The following NAGLU variants were observed in gnomAD, a reference collection of about 807,000 sequenced individuals.
NAGLU encodes the protein N-acetyl-alpha-glucosaminidase, also known as alpha-N-acetylglucosaminidase.
In NAGLU, 34 loss-of-function variants were observed where a neutral mutation model predicts 43.4. The observed-to-expected ratio is 0.78, with a 90% CI of 0.60 to 1.04. NAGLU has a LOEUF of 1.04. Among genes scored for constraint, NAGLU ranks in the 50% least tolerant of loss-of-function variants. The probability of loss-of-function intolerance (pLI) is 0.00; values close to 1 mark genes in which losing one functional copy is unlikely to be tolerated. For synonymous variants in NAGLU, 425 were observed against 437.6 expected, an observed-to-expected ratio of 0.97 and a Z score of 0.36; for missense variants, 910 against 993.7, an observed-to-expected ratio of 0.92 and a Z score of 1.13.
rs973885994 is a variant in NAGLU, at chr17:42,536,444, G to A, written c.172G>A (p.Ala58Thr). 6 of 1,257,628 alleles carry A rather than the reference G, an allele frequency of 4.8e-6. No individual in the cohort carries two copies. In the African/African-American group the frequency reaches 7.9e-5, roughly 16 times the overall value. 77.9% of individuals were successfully genotyped at this position (1,257,628 alleles called of 1,614,324 possible). A position where few individuals can be genotyped will look rare whatever the true frequency, so the allele number is the denominator to read the frequency against. The change falls in exon 1 of 6, where the codon GCC becomes ACC. Residue 58 changes from alanine (A) to threonine (T), a missense_variant. By Grantham distance (58) the Ala-to-Thr change is moderately conservative. Coordinates refer to ENST00000225927, the MANE Select transcript of NAGLU (RefSeq NM_000263.4). Reference protein sequence around the residue: ...FSVSVERALAAKPGLDTYSLG... With the variant: ...FSVSVERALATKPGLDTYSLG... Reference sequence around the variant, plus strand: ...CGTGTCGGTGGAGCGCGCTCTGGCTGCCAAGCCGGGCTTGGACACCTACAG... The same window carrying A: ...CGTGTCGGTGGAGCGCGCTCTGGCTACCAAGCCGGGCTTGGACACCTACAG...
intron 1 of NAGLU, 102 bp from the exon 2 acceptor site, chr17:42,537,296 T>C: frequency 6.4e-7 from 1 of 1,573,996 alleles, no homozygotes; most frequent in South Asian, 1.1e-5. Context: ...GGGCCGAGTT[T>C]GGAGCCCCTC....
chr17:42,543,337 C>G lies in NAGLU; in HGVS notation c.1331C>G (p.Ala444Gly). 1.2e-6 allele frequency: 2 copies of G among 1,613,168 alleles called. No individual in the cohort carries two copies. Among genetic ancestry groups the G allele is most frequent in the Non-Finnish European group, 1.7e-6 (2 of 1,179,978 alleles). ...PNSTMVGTGM[A>G]PEGISQNEVV... The stretch of plus-strand genomic sequence containing the variant: ...TCCACCATGGTAGGCACGGGCATGG[C>G]CCCCGAGGGCATCAGCCAGAACGAA... The change falls in exon 6 of 6, where the codon GCC becomes GGC. Residue 444 changes from alanine to glycine, a missense_variant. Transcript: ENST00000225927.
chr17:42,541,119 G>A lies in NAGLU; in HGVS notation c.934G>A (p.Asp312Asn), dbSNP rs1052471595. 3.7e-5 allele frequency: 60 copies of A among 1,613,902 alleles called. No individual in the cohort carries two copies. The highest frequency in any genetic ancestry group is 4.9e-5 in the Non-Finnish European group (58 of 1,180,030). Reference sequence around the variant, plus strand: ...TGGCACAGACCACATCTATGGGGCCGACACTTTCAATGAGATGCAGCCACC... The same window carrying A: ...TGGCACAGACCACATCTATGGGGCCAACACTTTCAATGAGATGCAGCCACC... ...EFGTDHIYGA[D>N]TFNEMQPPSS... Residue 312 changes from aspartate (D) to asparagine (N), a missense_variant, in exon 5 of 6, where the codon GAC (aspartate) becomes AAC (asparagine). Coordinates refer to ENST00000225927, the MANE Select transcript of NAGLU (RefSeq NM_000263.4).
chr17:42,536,557 C>A lies in NAGLU; in HGVS notation c.285C>A (p.Asp95Glu), dbSNP rs1032487868. ...AAAGLHRYLR[D>E]FCGCHVAWSG... The stretch of plus-strand genomic sequence containing the variant: ...CGGGGCTGCACCGCTACCTGCGCGA[C>A]TTCTGTGGCTGCCACGTGGCCTGGT... Residue 95 changes from aspartate (D) to glutamate (E), a missense_variant, in exon 1 of 6, where the codon GAC becomes GAA. Transcript: ENST00000225927. 1 of 1,477,064 alleles carries A rather than the reference C, an allele frequency of 6.8e-7. No individual in the cohort carries two copies. The highest frequency in any genetic ancestry group is 8.9e-7 in the Non-Finnish European group (1 of 1,120,786). 91.5% of individuals were successfully genotyped at this position (1,477,064 alleles called of 1,614,324 possible). A position where few individuals can be genotyped will look rare whatever the true frequency, so the allele number is the denominator to read the frequency against.
intron 2 of NAGLU, among the ~76,000 whole-genome samples, chr17:42,538,083 C>A (rs910929339): frequency 3.2e-4 from 48 of 152,118 alleles, no homozygotes; most frequent in Admixed American, 6.5e-5. Flanking sequence ...CTCCATGAAG[C>A]CTTCTAAGGC....
rs1180591588 is a variant in NAGLU at position 42,543,067 on chromosome 17, TC to T, written c.1063del (p.Gln355SerfsTer66). ...GTGTGGCTGCTCCAAGGCTGGCTCT[TC>T]CAGCACCAGCCGCAGTTCTGGGGGC... ...EAVWLLQGWL[F>X]QHQPQFWGPA... On this transcript the variant is annotated frameshift_variant, in exon 6 of 6. Coordinates refer to ENST00000225927, the MANE Select transcript of NAGLU (RefSeq NM_000263.4). LOFTEE classifies it high-confidence loss of function. The T allele has an allele frequency of 1.2e-6, 2 of 1,608,178 alleles. No individual in the cohort carries two copies. Among genetic ancestry groups the T allele is most frequent in the Non-Finnish European group, 8.5e-7 (1 of 1,180,018 alleles).
rs1049139446 is a variant in NAGLU at position 42,543,311 on chromosome 17, C to G, written c.1305C>G (p.Asn435Lys). ...CAGAAGCTGCCCGCCTCTTCCCCAA[C>G]TCCACCATGGTAGGCACGGGCATGG... ...GGPEAARLFP[N>K]STMVGTGMAP... Residue 435 changes from asparagine to lysine, a missense_variant, in exon 6 of 6, where the codon AAC becomes AAG. Asn to Lys is a moderately conservative substitution (Grantham distance 94, BLOSUM62 0). Transcript: ENST00000225927. 2 of 1,613,640 alleles carry G rather than the reference C, an allele frequency of 1.2e-6. No homozygotes were observed. Among genetic ancestry groups the G allele is most frequent in the Non-Finnish European group, 1.7e-6 (2 of 1,180,042 alleles).
At chr17:42,537,092 C>T (rs144043324) in intron 1 of NAGLU, 11 of 468,470 alleles carry the variant, frequency 2.3e-5, no homozygotes, top group African/African-American at 1.8e-4. Context: ...ACTGTGGGGG[C>T]AGGGATTCCC....
intron 5 of NAGLU, among the ~76,000 whole-genome samples, chr17:42,542,083 G>T (rs1180650637): frequency 6.6e-6 from 1 of 151,776 alleles, no homozygotes; most frequent in Non-Finnish European, 1.5e-5. Context: ...TTTGTTTTGA[G>T]ATAGAGTCTC....
chr17:42,537,273 G>C (rs2092908905), intron 1 of NAGLU, 125 bp from the exon 2 acceptor site: 1 of 1,445,260 alleles, frequency 6.9e-7, no homozygotes, highest in East Asian at 2.3e-5. Flanking sequence ...GTGGGTCCCA[G>C]TGTGCAGCAG....
intron 2 of NAGLU, 73 bp downstream of exon 2, chr17:42,537,618 A>G: frequency 1.3e-6 from 2 of 1,569,720 alleles, no homozygotes; most frequent in Non-Finnish European, 1.7e-6. Flanking sequence ...CCCGCCCCCC[A>G]GCATGGGCGC....
In NAGLU at chr17:42,539,103, C is replaced by T. The variant is rs550381529; in HGVS notation, c.764+348C>T. On this transcript the variant is annotated intron_variant, in intron 4 of 5. Coordinates refer to ENST00000225927, the MANE Select transcript of NAGLU (RefSeq NM_000263.4). ...CGCCATTGCACTCCAGCCTGGGTGACGAGCGAAACTCTGTCTCAAACAAAC... is the reference window on the plus strand; with the variant it reads ...CGCCATTGCACTCCAGCCTGGGTGATGAGCGAAACTCTGTCTCAAACAAAC... Among the ~76,000 whole-genome samples, 160 of 152,278 alleles carry T rather than the reference C, an allele frequency of 1.1e-3. 1 individual carries two copies. Among genetic ancestry groups the T allele is most frequent in the African/African-American group, 9.1e-4 (38 of 41,556 alleles).
chr17:42,540,285 T>C (rs1251303197), intron 4 of NAGLU, among the ~76,000 whole-genome samples: 2 of 150,988 alleles, frequency 1.3e-5, no homozygotes, highest in Non-Finnish European at 2.9e-5. Context: ...ACTTAATGCA[T>C]GCGGGGCTGA....
Position 42,538,455 on chromosome 17 carries a change from C to G in NAGLU, c.648C>G (p.Pro216=), listed in dbSNP as rs755855749. ...ACACCTGGGATGGCCCCCTGCCCCC[C>G]TCCTGGCACATCAAGCAGCTTTACC... ...NLHTWDGPLP[P]SWHIKQLYLQ... is the part of the protein sequence containing the mutation. Residue 216 remains proline (P), a synonymous_variant, in exon 3 of 6, where the codon CCC becomes CCG. Coordinates refer to ENST00000225927, the MANE Select transcript of NAGLU (RefSeq NM_000263.4). 13 of 1,614,016 alleles carry G rather than the reference C, an allele frequency of 8.1e-6. No individual in the cohort carries two copies. The Admixed American group carries it at 8.3e-5, about 10-fold the overall frequency.
rs1422787660 is a variant in NAGLU at position 42,538,387 on chromosome 17, A to C, written c.580A>C (p.Thr194Pro). Residue 194 changes from threonine (T) to proline (P), a missense_variant, in exon 3 of 6, where the codon ACT (threonine) becomes CCT (proline). By Grantham distance (38) the Thr-to-Pro change is conservative (BLOSUM62 -1). Coordinates refer to ENST00000225927, the MANE Select transcript of NAGLU (RefSeq NM_000263.4). The part of the protein sequence containing the change: ...LTQAEINEFF[T>P]GPAFLAWGRM... ...CCAGGCAGAGATCAATGAGTTCTTTACTGGTCCTGCCTTCCTGGCCTGGGG... is the reference window on the plus strand; with the variant it reads ...CCAGGCAGAGATCAATGAGTTCTTTCCTGGTCCTGCCTTCCTGGCCTGGGG... The C allele has an allele frequency of 1.9e-6, 3 of 1,614,070 alleles. No homozygotes were observed. In the African/African-American group the frequency reaches 4.0e-5, roughly 22 times the overall value.
At chr17:42,542,890 C>A in intron 5 of NAGLU, 138 bp from the exon 6 acceptor site, 1 of 1,348,740 alleles carries the variant, frequency 7.4e-7, no homozygotes, top group Non-Finnish European at 1.0e-6. Flanking sequence ...CGCGTATGTG[C>A]CACAGAGCGT....
intron 2 of NAGLU, 130 bp from the exon 3 acceptor site, chr17:42,538,209 G>A: frequency 1.4e-6 from 2 of 1,401,062 alleles, no homozygotes; most frequent in Admixed American, 3.4e-5. Context: ...GCTCCTTGAT[G>A]GCAGCGTTCG....
Position 42,537,422 on chromosome 17 carries a change from C to A in NAGLU, c.408C>A (p.Cys136Ter). 1 of 1,614,176 alleles carries A rather than the reference C, an allele frequency of 6.2e-7. No homozygotes were observed. Among genetic ancestry groups the A allele is most frequent in the East Asian group, 2.2e-5 (1 of 44,884 alleles). The part of the protein sequence containing the change: ...PNRYRYYQNV[C>*]TQSYSFVWWD... ...GGTACCGCTATTACCAGAATGTGTG[C>A]ACGCAAAGCTACTCTTTCGTGTGGT... is the stretch of plus-strand genomic sequence containing the variant. The change falls in exon 2 of 6, where the codon TGC becomes TGA. Residue 136 changes from cysteine to a stop codon, truncating the protein, a stop_gained. Coordinates refer to ENST00000225927, the MANE Select transcript of NAGLU (RefSeq NM_000263.4). LOFTEE classifies it high-confidence loss of function.
At position 42,536,467 on chromosome 17, in the gene NAGLU, C is replaced by A; in HGVS notation, c.195C>A (p.Tyr65Ter). ...ALAAKPGLDT[Y>*]SLGGGGAARV... is the part of the protein sequence containing the mutation. ...CTGCCAAGCCGGGCTTGGACACCTA[C>A]AGCCTGGGCGGCGGCGGCGCGGCGC... The change falls in exon 1 of 6, where the codon TAC (tyrosine) becomes TAA (stop). Residue 65 changes from tyrosine to a stop codon, truncating the protein, a stop_gained. Transcript: ENST00000225927. LOFTEE classifies it high-confidence loss of function. 1.6e-6 allele frequency: 2 copies of A among 1,227,610 alleles called. No individual in the cohort carries two copies. The highest frequency in any genetic ancestry group is 8.0e-5 in the Admixed American group (2 of 25,088). 76.0% of individuals were successfully genotyped at this position (1,227,610 alleles called of 1,614,324 possible).
Sources: gnomAD v4.1 joint callset for allele counts (sites outside exome capture counted in the v4.1 genomes callset) on GRCh38, gnomAD v4.1.1 for gene constraint, MANE v1.5 for transcripts, NCBI Gene and HGNC (gene_info 2026-07-23, HGNC 2026-07-21) for gene names.